The following EPHA4 variants were observed in gnomAD, a reference collection of about 807,000 sequenced individuals.
The protein encoded by EPHA4 is EPH receptor A4, also known as ephrin type-A receptor 4.
EPHA4 carries 19 observed loss-of-function variants against 108.3 expected under a neutral mutation model. The observed-to-expected ratio is 0.18, with a 90% confidence interval of 0.12 to 0.26. The LOEUF (loss-of-function observed/expected upper bound fraction) is 0.26. Among genes scored for constraint, EPHA4 ranks in the 10% least tolerant of loss-of-function variants. The pLI is 1.00. For missense variants in EPHA4, 917 were observed against 1,254.0 expected (o/e 0.73, Z 4.06); for synonymous variants, 449 against 455.5 (o/e 0.99, Z 0.18).
chr2:221,502,410 G>A, intron 3 of EPHA4: 1 of 413,680 alleles, frequency 2.4e-6, no homozygotes, highest in South Asian at 1.7e-5. Flanking sequence ...CATTCATCAT[G>A]TCCTTAGGAC....
intron 4 of EPHA4, among the ~76,000 whole-genome samples, chr2:221,498,685 C>A (rs1172647155): frequency 6.6e-6 from 1 of 151,710 alleles, no homozygotes; most frequent in Non-Finnish European, 1.5e-5. Flanking sequence ...GTGAATGCAG[C>A]TCACTGCAGC....
At chr2:221,566,944 G>GGGAAGAGGAAGAGGA (rs1559297332) in intron 2 of EPHA4, among the ~76,000 whole-genome samples, 1 of 7,690 alleles carries the variant, frequency 1.3e-4, no homozygotes, top group Non-Finnish European at 2.6e-4. Context: ...GAAGGAGAAG[G>GGGAAGAGGAAGAGGA]AGAAGGAGAA....
At chr2:221,522,972 G>A (rs184509219) in intron 3 of EPHA4, among the ~76,000 whole-genome samples, 4 of 152,052 alleles carry the variant, frequency 2.6e-5, no homozygotes, top group South Asian at 2.1e-4. Flanking sequence ...GGCTGGTCTC[G>A]AATTGGTCTC....
intron 3 of EPHA4, among the ~76,000 whole-genome samples, chr2:221,545,215 AGGTGGGCG>A (rs1693955814): frequency 1.3e-4 from 3 of 23,252 alleles, no homozygotes; most frequent in Non-Finnish European, 2.6e-4. Context: ...TGGGAGACCG[AGGTGGGCG>A]GATCACGAGG....
intron 3 of EPHA4, among the ~76,000 whole-genome samples, chr2:221,528,605 C>G (rs1171468934): frequency 2.0e-5 from 3 of 152,142 alleles, no homozygotes; most frequent in Non-Finnish European, 2.9e-5. Flanking sequence ...TTAACTGAAT[C>G]ATCAATACAA....
chr2:221,564,739 A>T (rs1484180742), intron 2 of EPHA4, among the ~76,000 whole-genome samples: 1 of 152,096 alleles, frequency 6.6e-6, no homozygotes, highest in Non-Finnish European at 1.5e-5. Context: ...GTTCAAATTT[A>T]CTCATAAAGG....
At chr2:221,444,016 T>C (rs1409004955) in intron 9 of EPHA4, among the ~76,000 whole-genome samples, 2 of 152,234 alleles carry the variant, frequency 1.3e-5, no homozygotes, top group African/African-American at 2.4e-5. Context: ...CAAACAGCTC[T>C]TTCCACATGG....
At chr2:221,522,366 G>A (rs1247174453) in intron 3 of EPHA4, among the ~76,000 whole-genome samples, 1 of 152,218 alleles carries the variant, frequency 6.6e-6, no homozygotes. Context: ...GAACTGCACA[G>A]GGAAGTGACA....
intron 15 of EPHA4, 52 bp from the exon 16 acceptor site, chr2:221,426,671 G>C: frequency 1.3e-6 from 2 of 1,519,910 alleles, no homozygotes; most frequent in Non-Finnish European, 1.8e-6. Context: ...AGTGAGACAA[G>C]AAGACTCAGA....
chr2:221,555,513 T>G (rs1694279370), intron 3 of EPHA4, among the ~76,000 whole-genome samples: 1 of 152,166 alleles, frequency 6.6e-6, no homozygotes, highest in East Asian at 1.9e-4. Context: ...TACCAACATG[T>G]GTGTTTCCCA....
intron 3 of EPHA4, among the ~76,000 whole-genome samples, chr2:221,512,044 A>T (rs1248019932): frequency 6.6e-6 from 1 of 152,144 alleles, no homozygotes; most frequent in African/African-American, 2.4e-5. Context: ...AAATTTTGAG[A>T]TTAAAGAAAT....
chr2:221,432,746 C>T (rs1690116218), intron 14 of EPHA4, among the ~76,000 whole-genome samples: 1 of 150,952 alleles, frequency 6.6e-6, no homozygotes, highest in South Asian at 2.1e-4. Flanking sequence ...CAGGTTCAAG[C>T]GATTAGCCTA....
intron 5 of EPHA4, among the ~76,000 whole-genome samples, chr2:221,470,579 C>A (rs1400652100): frequency 6.0e-5 from 5 of 83,122 alleles, no homozygotes; most frequent in Non-Finnish European, 2.4e-5. Flanking sequence ...TAGGGAACCT[C>A]TGCTTTTCCC....
chr2:221,461,263 T>C (rs1012625754), intron 5 of EPHA4, among the ~76,000 whole-genome samples: 5 of 152,206 alleles, frequency 3.3e-5, no homozygotes, highest in Non-Finnish European at 1.5e-5. Flanking sequence ...GATGCCACCA[T>C]TGGTATGTTT....
chr2:221,452,666 T>C (rs1003637293), intron 8 of EPHA4, among the ~76,000 whole-genome samples: 1 of 151,984 alleles, frequency 6.6e-6, no homozygotes, highest in Non-Finnish European at 1.5e-5. Flanking sequence ...AGTGATCCAT[T>C]GAGGACCAAT....
chr2:221,543,427 G>T lies in EPHA4; in HGVS notation c.823+20304C>A, dbSNP rs565327619. Among the ~76,000 whole-genome samples, 4 of 152,240 alleles carry T rather than the reference G, an allele frequency of 2.6e-5. No homozygotes were observed. The South Asian group carries it at 8.3e-4, about 32-fold the overall frequency. On this transcript the variant is annotated intron_variant, in intron 3 of 17. Transcript: ENST00000281821. ...AAGCATAAAAAGCAAAATAAGTGTG[G>T]CTCTCATTATGTGGTAAGCTTATAG...
intron 3 of EPHA4, 30 bp from the exon 4 acceptor site, chr2:221,501,202 T>G: frequency 6.5e-7 from 1 of 1,542,392 alleles, no homozygotes; most frequent in South Asian, 1.2e-5. Flanking sequence ...AACAAACAAA[T>G]AGAAACCACT....
intron 5 of EPHA4, among the ~76,000 whole-genome samples, chr2:221,477,439 T>A (rs1691691006): frequency 6.6e-6 from 1 of 152,164 alleles, no homozygotes; most frequent in Admixed American, 6.5e-5. Flanking sequence ...AATTCTTCAT[T>A]GCGGAGGATT....
At chr2:221,488,764 A>T (rs188562314) in intron 4 of EPHA4, among the ~76,000 whole-genome samples, 4 of 152,330 alleles carry the variant, frequency 2.6e-5, no homozygotes, top group African/African-American at 9.6e-5. Flanking sequence ...ATCTTCCTTT[A>T]CCAACCATGT....
Sources: gnomAD v4.1 joint callset for allele counts (sites outside exome capture counted in the v4.1 genomes callset) on GRCh38, gnomAD v4.1.1 for gene constraint, MANE v1.5 for transcripts, NCBI Gene and HGNC (gene_info 2026-07-23, HGNC 2026-07-21) for gene names.